LEO1: variants seen among roughly 807,000 people sequenced by gnomAD.
LEO1 encodes LEO1 component of Paf1/RNA polymerase II complex, also known as RNA polymerase-associated protein LEO1.
In LEO1, 34 loss-of-function variants were observed where a neutral mutation model predicts 80.4. That is an observed-to-expected ratio of 0.42 (90% CI 0.32 to 0.56). LEO1 has a LOEUF of 0.56. Ranked by LOEUF, LEO1 falls within the 20% of genes least tolerant of loss-of-function variation. The pLI, the probability that LEO1 is intolerant of heterozygous loss-of-function variation, is 0.10. For synonymous variants in LEO1, 262 were observed against 274.9 expected (o/e 0.95, Z 0.46); for missense variants, 631 against 814.2 (o/e 0.77, Z 2.74).
At chr15:51,948,859 T>G (rs1004542831) in intron 10 of LEO1, among the ~76,000 whole-genome samples, 5 of 152,202 alleles carry the variant, frequency 3.3e-5, no homozygotes, top group Non-Finnish European at 7.3e-5. Context: ...GGGGAACCCC[T>G]GGGTAAGAAC....
intron 1 of LEO1, 140 bp downstream of exon 1, chr15:51,971,548 C>A: frequency 7.5e-6 from 6 of 801,842 alleles, no homozygotes; most frequent in Non-Finnish European, 1.3e-5. Context: ...AGGATGGCAC[C>A]TCCGGGAGTG....
Position 51,962,399 on chromosome 15 carries a change from C to T in LEO1, c.909G>A (p.Glu303=), listed in dbSNP as rs781383142. 3 of 1,609,092 alleles carry T rather than the reference C, an allele frequency of 1.9e-6. No homozygotes were observed. Among genetic ancestry groups the T allele is most frequent in the South Asian group, 2.2e-5 (2 of 90,858 alleles). ...TAATAATAGGGATACCTTTTGGCAC[C>T]TCAGTGTCACTATCCGCTTCTGAAT... ...ASDSEADSDT[E]VPKDNSGTMD... Residue 303 remains glutamate (E), a synonymous_variant, in exon 3 of 12, where the codon GAG becomes GAA. Coordinates refer to ENST00000299601, the MANE Select transcript of LEO1 (RefSeq NM_138792.4).
intron 5 of LEO1, among the ~76,000 whole-genome samples, chr15:51,959,392 C>A (rs2057013207): frequency 6.6e-6 from 1 of 152,190 alleles, no homozygotes; most frequent in African/African-American, 2.4e-5. Flanking sequence ...ATCCTTTCTT[C>A]TTCTTATGTA....
Position 51,951,860 on chromosome 15 carries a change from C to T in LEO1, c.1595G>A (p.Arg532His), listed in dbSNP as rs751561202. 6 of 1,613,694 alleles carry T rather than the reference C, an allele frequency of 3.7e-6. No homozygotes were observed. Among genetic ancestry groups the T allele is most frequent in the African/African-American group, 1.3e-5 (1 of 74,912 alleles). Residue 532 changes from arginine to histidine, a missense_variant, in exon 9 of 12, where the codon CGC (arginine) becomes CAC (histidine). Arg to His is a conservative substitution (Grantham distance 29). This residue lies in a region of LEO1 where 25 missense variants were observed against 83.5 expected (regional missense o/e 0.30). Coordinates refer to ENST00000299601, the MANE Select transcript of LEO1 (RefSeq NM_138792.4). Reference sequence around the variant, plus strand: ...CAAACATACCTTAATCATTTCTGTGCGTTGGCATTCAGGATCACGACCAGC... The same window carrying T: ...CAAACATACCTTAATCATTTCTGTGTGTTGGCATTCAGGATCACGACCAGC... ...PMAGRDPECQ[R>H]TEMIKKEEER...
intron 7 of LEO1, 124 bp downstream of exon 7, chr15:51,954,357 G>A: frequency 3.1e-6 from 2 of 645,686 alleles, no homozygotes; most frequent in East Asian, 5.5e-5. Context: ...ACTCCAACAT[G>A]GGCAACAGAG....
chr15:51,954,544 C>T lies in LEO1; in HGVS notation c.1277G>A (p.Arg426Gln), dbSNP rs764080069. The T allele has an allele frequency of 1.9e-5, 30 of 1,612,824 alleles. No homozygotes were observed. Among genetic ancestry groups the T allele is most frequent in the South Asian group, 1.2e-4 (11 of 91,064 alleles). Residue 426 changes from arginine (R) to glutamine (Q), a missense_variant, in exon 7 of 12, where the codon CGA (arginine) becomes CAA (glutamine). By Grantham distance (43) the Arg-to-Gln change is conservative. Around this residue, in one of 4 missense-constraint regions of LEO1, gnomAD observed 95 missense variants for 171.7 expected, o/e 0.55. Transcript: ENST00000299601. ...VENTIRWRIR[R>Q]DEEGNEIKES... ...TTTAATTTCATTTCCTTCTTCATCT[C>T]GGCGTATCCTCCATCTTATAGTATT...
chr15:51,950,658 C>T (rs2056942190), intron 9 of LEO1, among the ~76,000 whole-genome samples: 1 of 152,206 alleles, frequency 6.6e-6, no homozygotes, highest in Non-Finnish European at 1.5e-5. Context: ...CATCCCGTTG[C>T]TCTGTATTAT....
chr15:51,943,384 TAAATA>T, intron 11 of LEO1, among the ~76,000 whole-genome samples: 1 of 145,112 alleles, frequency 6.9e-6, no homozygotes, highest in East Asian at 2.1e-4. Context: ...ATCTCAAAAA[TAAATA>T]AATAAATAAA....
At chr15:51,960,088 A>G in intron 4 of LEO1, 44 bp from the exon 5 acceptor site, 1 of 1,510,612 alleles carries the variant, frequency 6.6e-7, no homozygotes, top group Non-Finnish European at 9.1e-7. Context: ...GGACCTTAGA[A>G]ATGGCTTCCT....
Position 51,938,245 on chromosome 15 carries a change from C to T in LEO1, c.1912G>A (p.Gly638Arg), listed in dbSNP as rs760346155. The T allele has an allele frequency of 8.7e-6, 14 of 1,601,406 alleles. No homozygotes were observed. The highest frequency in any genetic ancestry group is 4.5e-5 in the East Asian group (2 of 44,732). The change falls in exon 12 of 12, where the codon GGA becomes AGA. Residue 638 changes from glycine to arginine, a missense_variant. Coordinates refer to ENST00000299601, the MANE Select transcript of LEO1 (RefSeq NM_138792.4). ...TCATCATCTTCTGCTTTTCTCTTTCCGGAAGGTTCACCTTCCTAAACAGAT... is the reference window on the plus strand; with the variant it reads ...TCATCATCTTCTGCTTTTCTCTTTCTGGAAGGTTCACCTTCCTAAACAGAT... ...LTSDEEGEPS[G>R]KRKAEDDDKA...
At chr15:51,954,433 C>A in intron 7 of LEO1, 48 bp downstream of exon 7, 1 of 1,129,228 alleles carries the variant, frequency 8.9e-7, no homozygotes, top group Non-Finnish European at 1.3e-6. Flanking sequence ...CTTGATCCCT[C>A]TGACCCGTTC....
At chr15:51,951,624 G>A (rs1467375083) in intron 9 of LEO1, among the ~76,000 whole-genome samples, 1 of 152,086 alleles carries the variant, frequency 6.6e-6, no homozygotes, top group Non-Finnish European at 1.5e-5. Context: ...GAACTCTCAG[G>A]GCCTGGTGAA....
intron 10 of LEO1, among the ~76,000 whole-genome samples, chr15:51,947,738 A>G (rs1221812338): frequency 1.3e-5 from 2 of 152,222 alleles, no homozygotes; most frequent in African/African-American, 4.8e-5. Flanking sequence ...AGTAACTTTC[A>G]AAGACAGTGA....
intron 11 of LEO1, among the ~76,000 whole-genome samples, chr15:51,943,134 C>G (rs2141742295): frequency 6.6e-6 from 1 of 152,068 alleles, no homozygotes; most frequent in East Asian, 1.9e-4. Flanking sequence ...AATCCCAGCA[C>G]TTTGGGAGAC....
At chr15:51,941,715 C>T (rs1391962141) in intron 11 of LEO1, among the ~76,000 whole-genome samples, 1 of 152,174 alleles carries the variant, frequency 6.6e-6, no homozygotes, top group Non-Finnish European at 1.5e-5. Context: ...GAATAAAAAG[C>T]TCTCTTTTAC....
rs759246927 is a variant in LEO1 at position 51,971,733 on chromosome 15, C to G, written c.13G>C (p.Glu5Gln). MADM[E>Q]DLFGSDADSE... ...TCGGCGTCGCTCCCGAAGAGATCCT[C>G]CATATCCGCCATTATCGCTCACGTC... Residue 5 changes from glutamate (E) to glutamine (Q), a missense_variant, in exon 1 of 12, where the codon GAG becomes CAG. Coordinates refer to ENST00000299601, the MANE Select transcript of LEO1 (RefSeq NM_138792.4). 1.2e-6 allele frequency: 2 copies of G among 1,614,098 alleles called. No individual in the cohort carries two copies. The highest frequency in any genetic ancestry group is 1.7e-6 in the Non-Finnish European group (2 of 1,180,048).
At chr15:51,962,545 T>C (rs539218547) in intron 2 of LEO1, 52 bp from the exon 3 acceptor site, 2 of 1,344,462 alleles carry the variant, frequency 1.5e-6, no homozygotes, top group East Asian at 4.7e-5. Context: ...TAGTTGAATT[T>C]TGTGTTTTAA....
chr15:51,957,985 C>T (rs2057002168), intron 6 of LEO1, among the ~76,000 whole-genome samples: 1 of 151,884 alleles, frequency 6.6e-6, no homozygotes, highest in Non-Finnish European at 1.5e-5. Context: ...CATGCCACTG[C>T]CCTCCAGCGT....
intron 6 of LEO1, among the ~76,000 whole-genome samples, chr15:51,957,616 A>G (rs1281968269): frequency 6.6e-6 from 1 of 152,236 alleles, no homozygotes; most frequent in East Asian, 1.9e-4. Context: ...ACCATCTTAT[A>G]TCAAGGTTAT....
Sources: allele counts gnomAD v4.1 joint callset (sites outside exome capture counted in the v4.1 genomes callset), GRCh38; gene constraint gnomAD v4.1.1; regional missense constraint gnomAD v4.1.1; transcripts MANE v1.5; gene names NCBI Gene and HGNC (gene_info 2026-07-23, HGNC 2026-07-21).